The following REPS2 variants were observed in gnomAD, a reference collection of about 807,000 sequenced individuals.
REPS2 encodes the protein RALBP1 associated Eps domain containing 2.
Under a neutral mutation model 53.6 loss-of-function variants are expected in REPS2, and 23 were observed. That is an observed-to-expected ratio of 0.43 (90% confidence interval 0.31 to 0.61). The LOEUF is 0.61. REPS2 is among the 20% of genes least tolerant of loss of function. The pLI is 0.11. For missense variants in REPS2, 446 were observed against 534.9 expected (o/e 0.83, Z 1.64); for synonymous variants, 238 against 218.6 (o/e 1.09, Z -0.78).
At chrX:17,107,814 A>G (rs1447088345) in intron 14 of REPS2, among the ~76,000 whole-genome samples, 2 of 112,737 alleles carry the variant, frequency 1.8e-5, no homozygotes, top group East Asian at 2.8e-4. Context: ...GGCTCAGCTC[A>G]GAAGAGGTGA....
chrX:17,150,096 C>T lies in REPS2; in HGVS notation c.*2615C>T, dbSNP rs758293058. 8.9e-6 allele frequency: 1 copy of T among 112,876 alleles called. No homozygotes were observed. Among genetic ancestry groups the T allele is most frequent in the African/African-American group, 3.2e-5 (1 of 30,982 alleles). 9.3% of individuals were successfully genotyped at this position (112,876 alleles called of 1,213,427 possible). On this transcript the variant is annotated 3_prime_UTR_variant, in exon 18 of 18. Transcript: ENST00000357277. ...TGCATAACACACAAGTAATGACACA[C>T]TACTATTATTATTACCTAAGTAGTG...
At chrX:17,138,257 T>C (rs1316475639) in intron 16 of REPS2, 2 of 112,147 alleles carry the variant, frequency 1.8e-5, no homozygotes, top group African/African-American at 6.5e-5. Flanking sequence ...TGTTGTTAAT[T>C]GGGAAATACT....
rs753458827 is a variant in REPS2, at chrX:17,034,055, T to C, written c.771+4432T>C. 6.9e-4 allele frequency among the ~76,000 whole-genome samples: 78 copies of C among 112,409 alleles called. 1 individual carries two copies. The highest frequency in any genetic ancestry group is 1.4e-3 in the Non-Finnish European group (72 of 53,310). On this transcript the variant is annotated intron_variant, in intron 5 of 17. Coordinates refer to ENST00000357277, the MANE Select transcript of REPS2 (RefSeq NM_004726.3). ...GTAAGTGTTTTCTGATATTTTCTTGTATATGCGATGTTTCCTTTTTTTTTC... is the reference window on the plus strand; with the variant it reads ...GTAAGTGTTTTCTGATATTTTCTTGCATATGCGATGTTTCCTTTTTTTTTC...
intron 17 of REPS2, among the ~76,000 whole-genome samples, chrX:17,143,703 A>G (rs1211621898): frequency 1.0e-4 from 11 of 110,077 alleles, no homozygotes; most frequent in African/African-American, 3.6e-4. Context: ...TATATTCTAA[A>G]TCTTCTGTTG....
chrX:16,949,716 T>C (rs992783863), intron 1 of REPS2, among the ~76,000 whole-genome samples: 12 of 112,235 alleles, frequency 1.1e-4, no homozygotes, highest in African/African-American at 3.9e-4. Flanking sequence ...CCTTAACATA[T>C]TTTTTAATAG....
chrX:17,145,708 T>C (rs996041386), intron 17 of REPS2, among the ~76,000 whole-genome samples: 12 of 111,522 alleles, frequency 1.1e-4, no homozygotes, highest in African/African-American at 3.9e-4. Context: ...AACCTCCCAG[T>C]TGCTCCCCTG....
chrX:17,113,225 A>G (rs1442045302), intron 14 of REPS2, among the ~76,000 whole-genome samples: 1 of 103,514 alleles, frequency 9.7e-6, no homozygotes, highest in African/African-American at 3.5e-5. Flanking sequence ...CAGAGAAAAT[A>G]GTTGAAAAGT....
the REPS2 span, among the ~76,000 whole-genome samples, chrX:17,183,334 G>C: frequency 8.9e-6 from 1 of 111,756 alleles, no homozygotes; most frequent in Non-Finnish European, 1.9e-5. Context: ...ATGAAGAAAT[G>C]ATACACTTAT....
intron 13 of REPS2, among the ~76,000 whole-genome samples, chrX:17,087,927 TAGATAGATAGATA>T (rs2062560761): frequency 6.1e-5 from 2 of 32,799 alleles, no homozygotes; most frequent in Middle Eastern, 0.011. Flanking sequence ...ACTCTGTCGA[TAGATAGATAGATA>T]GATAGATAGA....
intron 5 of REPS2, among the ~76,000 whole-genome samples, chrX:17,030,185 C>T (rs895563800): frequency 8.9e-6 from 1 of 111,981 alleles, no homozygotes; most frequent in African/African-American, 3.2e-5. Context: ...ACAGCTTAGA[C>T]AATTTCAGCT....
At chrX:17,079,449 G>A (rs2062425278) in intron 13 of REPS2, among the ~76,000 whole-genome samples, 1 of 111,785 alleles carries the variant, frequency 8.9e-6, no homozygotes, top group Non-Finnish European at 1.9e-5. Context: ...ACTTTTTCTT[G>A]TTTTGCTTCC....
intron 14 of REPS2, among the ~76,000 whole-genome samples, chrX:17,121,531 T>C (rs2063141288): frequency 8.9e-6 from 1 of 112,080 alleles, no homozygotes; most frequent in Non-Finnish European, 1.9e-5. Context: ...TTTTTCTTTA[T>C]GTATCATGCC....
At chrX:16,973,246 C>T (rs1379088541) in intron 1 of REPS2, among the ~76,000 whole-genome samples, 2 of 111,623 alleles carry the variant, frequency 1.8e-5, no homozygotes, top group Non-Finnish European at 3.8e-5. Flanking sequence ...ACCTTGATTC[C>T]TTGTTTAAAT....
At chrX:16,975,844 T>C (rs1166740880) in intron 1 of REPS2, among the ~76,000 whole-genome samples, 1 of 112,531 alleles carries the variant, frequency 8.9e-6, no homozygotes, top group Non-Finnish European at 1.9e-5. Flanking sequence ...TTTTCTACTA[T>C]GGAAATAATA....
intron 10 of REPS2, among the ~76,000 whole-genome samples, chrX:17,069,396 G>T (rs778277053): frequency 4.5e-5 from 5 of 112,269 alleles, no homozygotes; most frequent in Non-Finnish European, 9.4e-5. Context: ...CATTGATTAG[G>T]CATTGTATGG....
At chrX:17,096,204 C>T (rs2062695167) in intron 13 of REPS2, among the ~76,000 whole-genome samples, 1 of 111,729 alleles carries the variant, frequency 9.0e-6, no homozygotes, top group African/African-American at 3.3e-5. Context: ...AAGAGGAATT[C>T]ACTTTCCACA....
At chrX:16,970,947 G>C (rs1384485873) in intron 1 of REPS2, among the ~76,000 whole-genome samples, 1 of 112,468 alleles carries the variant, frequency 8.9e-6, no homozygotes, top group African/African-American at 3.2e-5. Flanking sequence ...ATGCTACTCT[G>C]AACACTTGTG....
chrX:17,011,447 C>T (rs924269745), intron 2 of REPS2, among the ~76,000 whole-genome samples: 4 of 111,514 alleles, frequency 3.6e-5, no homozygotes, highest in Non-Finnish European at 7.5e-5. Context: ...GAAGGTTAGG[C>T]AGAACCTAGA....
rs748142350 is a variant in REPS2, at chrX:17,054,865, G to C, written c.1029G>C (p.Ala343=). ...TGACCCTGCCTGAGTTCTGTGCTGCGTTTCATCTCATTGTGGCTCGGAAGA... is the reference window on the plus strand; with the variant it reads ...TGACCCTGCCTGAGTTCTGTGCTGCCTTTCATCTCATTGTGGCTCGGAAGA... ...GALTLPEFCA[A]FHLIVARKNG... Residue 343 remains alanine, a synonymous_variant, in exon 8 of 18, where the codon GCG becomes GCC. Transcript: ENST00000357277. 5.8e-6 allele frequency: 7 copies of C among 1,209,437 alleles called. No individual in the cohort carries two copies. The highest frequency in any genetic ancestry group is 5.3e-5 in the African/African-American group (3 of 57,120).
Sources: gnomAD v4.1 joint callset for allele counts (sites outside exome capture counted in the v4.1 genomes callset) on GRCh38, gnomAD v4.1.1 for gene constraint, MANE v1.5 for transcripts, NCBI Gene and HGNC (gene_info 2026-07-23, HGNC 2026-07-21) for gene names.